The following NR3C1 variants were observed in gnomAD, a reference collection of about 807,000 sequenced individuals.
NR3C1 encodes glucocorticoid receptor.
In NR3C1, 14 loss-of-function variants were observed where a neutral mutation model predicts 74.0. That is an observed-to-expected ratio of 0.19 (90% confidence interval 0.12 to 0.30). The LOEUF (loss-of-function observed/expected upper bound fraction) is 0.30. Among genes scored for constraint, NR3C1 ranks in the 10% least tolerant of loss-of-function variants. The pLI is 1.00. For missense variants in NR3C1, 695 were observed against 909.8 expected (o/e 0.76, Z 3.04); for synonymous variants, 308 against 332.5 (o/e 0.93, Z 0.80).
chr5:143,355,883 C>A (rs1172270822), intron 2 of NR3C1, among the ~76,000 whole-genome samples: 1 of 152,016 alleles, frequency 6.6e-6, no homozygotes, highest in Non-Finnish European at 1.5e-5. Context: ...TTTTCCTAAC[C>A]CTGACTGTGA....
At position 143,399,878 on chromosome 5, in the gene NR3C1, A is replaced by G; in HGVS notation, c.962T>C (p.Val321Ala). Residue 321 changes from valine to alanine, a missense_variant, in exon 2 of 9, where the codon GTT becomes GCT. Val to Ala is a moderately conservative substitution (Grantham distance 64). This residue lies in a region of NR3C1 where 497 missense variants were observed against 489.5 expected (regional missense o/e 1.02). Coordinates refer to ENST00000394464, the MANE Select transcript of NR3C1 (RefSeq NM_000176.3). ...IIGNKMSAIS[V>A]HGVSTSGGQM... ...TCCTCCAGAGGTACTCACACCATGAACAGAAATGGCAGACATTTTATTACC... is the reference window on the plus strand; with the variant it reads ...TCCTCCAGAGGTACTCACACCATGAGCAGAAATGGCAGACATTTTATTACC... The G allele has an allele frequency of 7.4e-6, 12 of 1,614,236 alleles. No individual in the cohort carries two copies. The highest frequency in any genetic ancestry group is 9.3e-6 in the Non-Finnish European group (11 of 1,180,040).
rs1813108276 is a variant in NR3C1 at position 143,281,591 on chromosome 5, CA to C, written c.*297del. ...CTTTGGGCACTGGTGGTTTAGGTGC[CA>C]TCCTTCTTTGACTGTGGAGATTACG... is the stretch of plus-strand genomic sequence containing the variant. On this transcript the variant is annotated 3_prime_UTR_variant, in exon 9 of 9. Coordinates refer to ENST00000394464, the MANE Select transcript of NR3C1 (RefSeq NM_000176.3). 1 of 322,116 alleles carries C rather than the reference CA, an allele frequency of 3.1e-6. No homozygotes were observed. Among genetic ancestry groups the C allele is most frequent in the Non-Finnish European group, 5.9e-6 (1 of 169,532 alleles). The allele number at this position is 322,116 out of a possible 1,614,324, so 20.0% of individuals were successfully genotyped here.
intron 2 of NR3C1, among the ~76,000 whole-genome samples, chr5:143,379,635 T>G (rs961573479): frequency 6.6e-6 from 1 of 152,236 alleles, no homozygotes; most frequent in Non-Finnish European, 1.5e-5. Context: ...GCCCCGTGAT[T>G]TGCTTTGACC....
At chr5:143,322,410 T>C (rs879689263) in intron 2 of NR3C1, among the ~76,000 whole-genome samples, 6 of 152,204 alleles carry the variant, frequency 3.9e-5, no homozygotes, top group Non-Finnish European at 5.9e-5. Flanking sequence ...AGGCTGAAGT[T>C]TGATGTCTTG....
chr5:143,377,610 G>A (rs1362932718), intron 2 of NR3C1, among the ~76,000 whole-genome samples: 1 of 152,136 alleles, frequency 6.6e-6, no homozygotes, highest in Non-Finnish European at 1.5e-5. Flanking sequence ...TCCTCCCTAT[G>A]AGCACGCAGT....
intron 1 of NR3C1, among the ~76,000 whole-genome samples, chr5:143,420,323 T>A (rs1232635141): frequency 6.6e-6 from 1 of 152,160 alleles, no homozygotes. Flanking sequence ...GGGGAAGTGA[T>A]AAGTGTCCAT....
In NR3C1 at chr5:143,403,438, C is replaced by T. The variant is rs1463497765; in HGVS notation, c.-241G>A. The T allele has an allele frequency of 2.0e-5, 17 of 848,886 alleles. No homozygotes were observed. In the East Asian group the frequency reaches 7.3e-4, roughly 37 times the overall value. The allele number at this position is 848,886 out of a possible 1,614,324, so 52.6% of individuals were successfully genotyped here. A position where few individuals can be genotyped will look rare whatever the true frequency, so the allele number is the denominator to read the frequency against. Reference sequence around the variant, plus strand: ...CCAGCCCTCCGCCCCGCGCCGGGCTCCGCGGGTCGAGGTTCCGGGCGCGCG... The same window carrying T: ...CCAGCCCTCCGCCCCGCGCCGGGCTTCGCGGGTCGAGGTTCCGGGCGCGCG... On this transcript the variant is annotated 5_prime_UTR_variant, in exon 1 of 9. Transcript: ENST00000394464.
chr5:143,396,630 T>C (rs952291760), intron 2 of NR3C1, among the ~76,000 whole-genome samples: 2 of 151,838 alleles, frequency 1.3e-5, no homozygotes, highest in African/African-American at 4.8e-5. Flanking sequence ...ACAGATGCGA[T>C]TACTAATGAG....
At chr5:143,345,329 C>G (rs1358463888) in intron 2 of NR3C1, among the ~76,000 whole-genome samples, 1 of 152,174 alleles carries the variant, frequency 6.6e-6, no homozygotes, top group Non-Finnish European at 1.5e-5. Context: ...CCTGCCTCAG[C>G]CTCCCAAATA....
chr5:143,365,288 T>C (rs1832987831), intron 2 of NR3C1, among the ~76,000 whole-genome samples: 1 of 152,210 alleles, frequency 6.6e-6, no homozygotes, highest in Non-Finnish European at 1.5e-5. Context: ...CCAATTGCTA[T>C]CTACAGAGAT....
chr5:143,343,481 A>G (rs1435662041), intron 2 of NR3C1, among the ~76,000 whole-genome samples: 1 of 152,212 alleles, frequency 6.6e-6, no homozygotes, highest in East Asian at 1.9e-4. Flanking sequence ...AATTAACACT[A>G]TGTGTGAGGT....
At chr5:143,291,961 G>A (rs1219093054) in intron 7 of NR3C1, among the ~76,000 whole-genome samples, 1 of 152,150 alleles carries the variant, frequency 6.6e-6, no homozygotes, top group Non-Finnish European at 1.5e-5. Context: ...TGCTTCTGAT[G>A]CTTGTTTTGT....
intron 2 of NR3C1, among the ~76,000 whole-genome samples, chr5:143,386,476 G>A (rs1330317155): frequency 6.6e-6 from 1 of 152,140 alleles, no homozygotes; most frequent in African/African-American, 2.4e-5. Flanking sequence ...GTACTTGTTA[G>A]GTGAGAAAAG....
chr5:143,324,764 T>A (rs1824197337), intron 2 of NR3C1, among the ~76,000 whole-genome samples: 1 of 152,248 alleles, frequency 6.6e-6, no homozygotes. Context: ...AGCACCGAAG[T>A]CACCTTTTGA....
chr5:143,301,026 T>C (rs147523188), intron 4 of NR3C1, among the ~76,000 whole-genome samples: 2 of 152,298 alleles, frequency 1.3e-5, no homozygotes, highest in Non-Finnish European at 2.9e-5. Flanking sequence ...ATACAAAGTA[T>C]TATAACGGTA....
chr5:143,340,868 G>A (rs1361125324), intron 2 of NR3C1, among the ~76,000 whole-genome samples: 1 of 152,088 alleles, frequency 6.6e-6, no homozygotes, highest in Non-Finnish European at 1.5e-5. Context: ...GTGAGGGTTC[G>A]TTAAATAGGT....
At position 143,306,495 on chromosome 5, in the gene NR3C1, A is replaced by G. The variant is rs1464153158; in HGVS notation, c.1468+3602T>C. ...GAGGTTAGTTCAATACAAAAATGAT[A>G]GTTTTACAGTGAAACCACACACACA... On this transcript the variant is annotated intron_variant, in intron 4 of 8. Transcript: ENST00000394464. Among the ~76,000 whole-genome samples, 3 of 152,232 alleles carry G rather than the reference A, an allele frequency of 2.0e-5. No homozygotes were observed. The East Asian group carries it at 5.8e-4, about 29-fold the overall frequency.
intron 2 of NR3C1, among the ~76,000 whole-genome samples, chr5:143,317,309 T>C (rs1822341100): frequency 6.6e-6 from 1 of 152,156 alleles, no homozygotes; most frequent in Non-Finnish European, 1.5e-5. Flanking sequence ...ACCAAAAGTA[T>C]ACCATAGTAA....
intron 2 of NR3C1, among the ~76,000 whole-genome samples, chr5:143,377,437 C>T (rs1835401746): frequency 6.6e-6 from 1 of 152,258 alleles, no homozygotes; most frequent in African/African-American, 2.4e-5. Flanking sequence ...ATGCTCTGGG[C>T]TATACCTTCG....
Sources: allele counts gnomAD v4.1 joint callset (sites outside exome capture counted in the v4.1 genomes callset), GRCh38; gene constraint gnomAD v4.1.1; regional missense constraint gnomAD v4.1.1; transcripts MANE v1.5; gene names NCBI Gene and HGNC (gene_info 2026-07-23, HGNC 2026-07-21).